Variants in ZSCAN25 observed in about 807,000 individuals in gnomAD.
ZSCAN25 encodes the protein zinc finger and SCAN domain containing 25, also known as zinc finger and SCAN domain-containing protein 25.
A neutral mutation model predicts 38.7 loss-of-function variants in ZSCAN25; 27 were observed. The ratio of observed to expected loss-of-function variants is 0.70; its 90% CI spans 0.51 to 0.96. The LOEUF (loss-of-function observed/expected upper bound fraction) is 0.96. Ranked by LOEUF, ZSCAN25 falls within the 40% of genes least tolerant of loss-of-function variation. ZSCAN25 has a pLI of 0.00. For synonymous variants in ZSCAN25, 273 were observed against 277.7 expected (o/e 0.98, Z 0.17); for missense variants, 637 against 705.9 (o/e 0.90, Z 1.11).
the ZSCAN25 span, chr7:99,674,293 T>G: frequency 2.6e-6 from 1 of 381,742 alleles, no homozygotes; most frequent in Non-Finnish European, 4.7e-6. Flanking sequence ...ATATTTTCTA[T>G]GGAGCATCTT....
the ZSCAN25 span, among the ~76,000 whole-genome samples, chr7:99,669,764 TA>T: frequency 6.6e-6 from 1 of 152,214 alleles, no homozygotes; most frequent in East Asian, 1.9e-4. Context: ...AAGACACAAC[TA>T]AATCAAGAGA....
the ZSCAN25 span, among the ~76,000 whole-genome samples, chr7:99,718,133 GA>G: frequency 2.0e-5 from 3 of 152,198 alleles, no homozygotes; most frequent in South Asian, 2.1e-4. Context: ...GGGGTGGGGA[GA>G]GGGGGGAAGG....
chr7:99,655,395 G>T, the ZSCAN25 span, among the ~76,000 whole-genome samples: 2 of 152,160 alleles, frequency 1.3e-5, no homozygotes, highest in South Asian at 4.1e-4. Flanking sequence ...TTGTAGATAT[G>T]TGGCATTCTT....
chr7:99,717,765 C>T, the ZSCAN25 span: 7 of 1,225,518 alleles, frequency 5.7e-6, no homozygotes, highest in African/African-American at 3.0e-5. Context: ...AAGTGACAGG[C>T]CCTATGACAG....
the ZSCAN25 span, chr7:99,662,990 C>T: frequency 6.6e-7 from 1 of 1,523,302 alleles, no homozygotes; most frequent in Non-Finnish European, 8.8e-7. This position sits in a 1 kb window ranked among gnomAD's most constrained non-coding sequence, Gnocchi z 4.3. Flanking sequence ...CCCTCAACCT[C>T]CCTATGGCTT....
the ZSCAN25 span, among the ~76,000 whole-genome samples, chr7:99,726,458 G>A: frequency 6.6e-4 from 101 of 152,120 alleles, no homozygotes; most frequent in Middle Eastern, 3.4e-3. Context: ...TGCCCAACCC[G>A]TACACTCTTT....
chr7:99,656,825 G>C, the ZSCAN25 span, among the ~76,000 whole-genome samples: 3 of 152,028 alleles, frequency 2.0e-5, no homozygotes, highest in South Asian at 2.1e-4. Flanking sequence ...TGTATGTGTC[G>C]AGGAATTTAT....
chr7:99,644,985 C>G, the ZSCAN25 span, among the ~76,000 whole-genome samples: 1 of 151,992 alleles, frequency 6.6e-6, no homozygotes, highest in African/African-American at 2.4e-5. Flanking sequence ...AAGCCTGGCC[C>G]CAGAGCTAGG....
the ZSCAN25 span, among the ~76,000 whole-genome samples, chr7:99,709,774 A>ATG: frequency 2.6e-3 from 393 of 149,672 alleles, no homozygotes; most frequent in Middle Eastern, 6.9e-3. Context: ...TATTATATAT[A>ATG]TGTGTGTGTG....
chr7:99,731,761 C>A, the ZSCAN25 span, among the ~76,000 whole-genome samples: 2 of 152,230 alleles, frequency 1.3e-5, no homozygotes, highest in African/African-American at 4.8e-5. Flanking sequence ...GTCACAGAGT[C>A]CTTATTTCTA....
At chr7:99,684,436 G>A in the ZSCAN25 span, among the ~76,000 whole-genome samples, 1 of 152,120 alleles carries the variant, frequency 6.6e-6, no homozygotes, top group South Asian at 2.1e-4. Context: ...CCAAAGTGCT[G>A]GGATTACAGG....
At chr7:99,635,232 A>C (rs1207598517), downstream of ZSCAN25, among the ~76,000 whole-genome samples, 1 of 151,896 alleles carries the variant, frequency 6.6e-6, no homozygotes. Flanking sequence ...TAAAGAACAC[A>C]GTTTCAGGTA....
the ZSCAN25 span, chr7:99,677,114 C>G: frequency 1.1e-6 from 1 of 921,636 alleles, no homozygotes; most frequent in Non-Finnish European, 1.3e-6. Context: ...ACCCATTAAG[C>G]CTGGTGTTCA....
chr7:99,699,395 C>T, the ZSCAN25 span, among the ~76,000 whole-genome samples: 1 of 152,072 alleles, frequency 6.6e-6, no homozygotes, highest in African/African-American at 2.4e-5. Flanking sequence ...AGGGAAGAGC[C>T]GGGGGACAGC....
the ZSCAN25 span, among the ~76,000 whole-genome samples, chr7:99,708,162 C>A: frequency 6.6e-6 from 1 of 152,284 alleles, no homozygotes; most frequent in Non-Finnish European, 1.5e-5. Flanking sequence ...CCTTTCTACT[C>A]TCCTTACATT....
At chr7:99,633,132 T>A (rs1275395507), downstream of ZSCAN25, among the ~76,000 whole-genome samples, 2 of 152,066 alleles carry the variant, frequency 1.3e-5, no homozygotes, top group African/African-American at 2.4e-5. Flanking sequence ...ATTACAGGCA[T>A]GTGCCACCAT....
the ZSCAN25 span, among the ~76,000 whole-genome samples, chr7:99,690,449 A>G: frequency 8.5e-5 from 13 of 152,342 alleles, no homozygotes; most frequent in African/African-American, 3.1e-4. Context: ...GACAAATGGG[A>G]TCTAATGAAA....
the ZSCAN25 span, chr7:99,717,700 G>T: frequency 6.3e-7 from 1 of 1,588,382 alleles, no homozygotes; most frequent in Non-Finnish European, 8.6e-7. Context: ...CATGGTTGTA[G>T]AAAATGTGTT....
chr7:99,702,901 G>A, the ZSCAN25 span, among the ~76,000 whole-genome samples: 6 of 152,194 alleles, frequency 3.9e-5, no homozygotes, highest in Admixed American at 2.0e-4. Flanking sequence ...TTCTGTTTTT[G>A]TGTCTTCTTC....
Sources: allele counts gnomAD v4.1 joint callset (sites outside exome capture counted in the v4.1 genomes callset), GRCh38; gene constraint gnomAD v4.1.1; non-coding constraint Gnocchi (gnomAD v3.1); transcripts MANE v1.5; gene names NCBI Gene and HGNC (gene_info 2026-07-23, HGNC 2026-07-21).